Variants in FOXE3 observed in about 807,000 individuals in gnomAD.
FOXE3 encodes the protein forkhead box protein E3.
For synonymous variants in FOXE3, 274 were observed against 258.3 expected, an observed-to-expected ratio of 1.06 and a Z score of -0.58; for missense variants, 520 against 507.8, an observed-to-expected ratio of 1.02 and a Z score of -0.23.
Position 47,416,842 on chromosome 1 carries a change from CGGCCGCGGCGCCAGG to C in FOXE3, c.529_543del (p.Ala177_Gly181del). 6.9e-7 allele frequency: 1 copy of C among 1,452,148 alleles called. No individual in the cohort carries two copies. The highest frequency in any genetic ancestry group is 9.1e-7 in the Non-Finnish European group (1 of 1,102,342). 90.0% of individuals were successfully genotyped at this position (1,452,148 alleles called of 1,614,324 possible). A position where few individuals can be genotyped will look rare whatever the true frequency, so the allele number is the denominator to read the frequency against. On this transcript the variant is annotated inframe_deletion, in exon 1 of 1. Coordinates refer to ENST00000335071, the MANE Select transcript of FOXE3 (RefSeq NM_012186.3). The surrounding 1 kb of genome is among the most constrained non-coding windows in gnomAD (Gnocchi z 4.2). ...AAGCGCGCCGAGCTGCCCGCGCACG[CGGCCGCGGCGCCAGG>C]GCCGCCGCTCCCCTTCCCCTACGCG...
At position 47,417,318 on chromosome 1, in the gene FOXE3, G is replaced by A; in HGVS notation, c.*43G>A. ...AGGCACCTGTGCGACCTGTGCCCCGGACCTGCGGCGCCGCCCTCGAGCGCC... is the reference window on the plus strand; with the variant it reads ...AGGCACCTGTGCGACCTGTGCCCCGAACCTGCGGCGCCGCCCTCGAGCGCC... On this transcript the variant is annotated 3_prime_UTR_variant, in exon 1 of 1. Transcript: ENST00000335071. The surrounding 1 kb of genome is among the most constrained non-coding windows in gnomAD (Gnocchi z 4.3). 1 of 1,301,638 alleles carries A rather than the reference G, an allele frequency of 7.7e-7. No individual in the cohort carries two copies. Among genetic ancestry groups the A allele is most frequent in the South Asian group, 2.2e-5 (1 of 46,490 alleles). 80.6% of individuals were successfully genotyped at this position (1,301,638 alleles called of 1,614,324 possible). A position where few individuals can be genotyped will look rare whatever the true frequency, so the allele number is the denominator to read the frequency against.
Position 47,416,779 on chromosome 1 carries a change from T to A in FOXE3, c.464T>A (p.Phe155Tyr). ...WTLDPAAADM[F>Y]DNGSFLRRRK... ...CTGGACCCCGCGGCCGCAGACATGTTCGACAACGGCAGCTTCCTGCGGCGC... is the reference window on the plus strand; with the variant it reads ...CTGGACCCCGCGGCCGCAGACATGTACGACAACGGCAGCTTCCTGCGGCGC... The change falls in exon 1 of 1, where the codon TTC (phenylalanine) becomes TAC (tyrosine). Residue 155 changes from phenylalanine to tyrosine, a missense_variant. Physicochemically the swap from Phe to Tyr is conservative, Grantham distance 22. Coordinates refer to ENST00000335071, the MANE Select transcript of FOXE3 (RefSeq NM_012186.3). This position sits in a 1 kb window ranked among gnomAD's most constrained non-coding sequence, Gnocchi z 4.2. The A allele has an allele frequency of 6.3e-7, 1 of 1,598,520 alleles. No homozygotes were observed. Among genetic ancestry groups the A allele is most frequent in the Non-Finnish European group, 8.5e-7 (1 of 1,173,280 alleles).
Position 47,416,485 on chromosome 1 carries a change from CCGGCCCGGGGCGGCGGCG to C in FOXE3, c.171_188del (p.Gly58_Arg63del). 1 of 1,188,352 alleles carries C rather than the reference CCGGCCCGGGGCGGCGGCG, an allele frequency of 8.4e-7. No individual in the cohort carries two copies. Among genetic ancestry groups the C allele is most frequent in the South Asian group, 3.6e-5 (1 of 27,570 alleles). The allele number at this position is 1,188,352 out of a possible 1,614,324, so 73.6% of individuals were successfully genotyped here. On this transcript the variant is annotated inframe_deletion, in exon 1 of 1. Coordinates refer to ENST00000335071, the MANE Select transcript of FOXE3 (RefSeq NM_012186.3). The surrounding 1 kb of genome is among the most constrained non-coding windows in gnomAD (Gnocchi z 4.2). ...GGAGAGGCGGCCCCCACGCCCGCGC[CCGGCCCGGGGCGGCGGCG>C]GCGGCGGCCCCTGCAGCGCGGGAAG...
chr1:47,417,359 AC>A lies in FOXE3; in HGVS notation c.*87del. ...CTCGAGCGCCCCATCTCTACCCCCC[AC>A]CCTGGCTTGGAGCACACCCTGCGCC... On this transcript the variant is annotated 3_prime_UTR_variant, in exon 1 of 1. Coordinates refer to ENST00000335071, the MANE Select transcript of FOXE3 (RefSeq NM_012186.3). The surrounding 1 kb of genome is among the most constrained non-coding windows in gnomAD (Gnocchi z 4.3). The A allele has an allele frequency of 8.7e-7, 1 of 1,143,042 alleles. No homozygotes were observed. Among genetic ancestry groups the A allele is most frequent in the Non-Finnish European group, 1.1e-6 (1 of 895,008 alleles). The allele number at this position is 1,143,042 out of a possible 1,614,324, so 70.8% of individuals were successfully genotyped here.
Position 47,416,395 on chromosome 1 carries a change from C to G in FOXE3, c.80C>G (p.Pro27Arg). 7.6e-7 allele frequency: 1 copy of G among 1,309,930 alleles called. No homozygotes were observed. Among genetic ancestry groups the G allele is most frequent in the Non-Finnish European group, 9.8e-7 (1 of 1,022,224 alleles). 81.1% of individuals were successfully genotyped at this position (1,309,930 alleles called of 1,614,324 possible). A position where few individuals can be genotyped will look rare whatever the true frequency, so the allele number is the denominator to read the frequency against. ...PALPAVAPSG[P>R]PPSPLAGAEP... The stretch of plus-strand genomic sequence containing the variant: ...CTGCCAGCGGTCGCGCCGTCGGGGC[C>G]GCCGCCGTCGCCGCTCGCAGGAGCC... The change falls in exon 1 of 1, where the codon CCG (proline) becomes CGG (arginine). Residue 27 changes from proline to arginine, a missense_variant. Pro to Arg is a moderately radical substitution (Grantham distance 103). Coordinates refer to ENST00000335071, the MANE Select transcript of FOXE3 (RefSeq NM_012186.3). The surrounding 1 kb of genome is among the most constrained non-coding windows in gnomAD (Gnocchi z 4.2).
In FOXE3 at chr1:47,417,091, C is replaced by T; in HGVS notation, c.776C>T (p.Pro259Leu). The T allele has an allele frequency of 1.4e-6, 2 of 1,387,500 alleles. No individual in the cohort carries two copies. Among genetic ancestry groups the T allele is most frequent in the Non-Finnish European group, 9.4e-7 (1 of 1,068,308 alleles). The allele number at this position is 1,387,500 out of a possible 1,614,324, so 85.9% of individuals were successfully genotyped here. The change falls in exon 1 of 1, where the codon CCG becomes CTG. Residue 259 changes from proline (P) to leucine (L), a missense_variant. Transcript: ENST00000335071. The surrounding 1 kb of genome is among the most constrained non-coding windows in gnomAD (Gnocchi z 4.3). ...CCGCCCTGCGCTGCCGCCGCCTCCC[C>T]GCCACTCTACTCGCAGGTCCCCGAC... ...AFPPCAAAAS[P>L]PLYSQVPDRL...
rs1173675789 is a variant in FOXE3 at position 47,417,351 on chromosome 1, TA to T, written c.*77del. ...GCGCCGCCCTCGAGCGCCCCATCTCTACCCCCCACCCTGGCTTGGAGCACAC... is the reference window on the plus strand; with the variant it reads ...GCGCCGCCCTCGAGCGCCCCATCTCTCCCCCCACCCTGGCTTGGAGCACAC... On this transcript the variant is annotated 3_prime_UTR_variant, in exon 1 of 1. Transcript: ENST00000335071. The surrounding 1 kb of genome is among the most constrained non-coding windows in gnomAD (Gnocchi z 4.3). 59 of 1,211,470 alleles carry T rather than the reference TA, an allele frequency of 4.9e-5. 1 individual carries two copies. Among genetic ancestry groups the T allele is most frequent in the Non-Finnish European group, 5.8e-5 (55 of 949,744 alleles). 75.0% of individuals were successfully genotyped at this position (1,211,470 alleles called of 1,614,324 possible).
At position 47,417,948 on chromosome 1, in the gene FOXE3, G is replaced by T. The variant is rs1008807391; in HGVS notation, c.*673G>T. The T allele has an allele frequency of 1.2e-5, 2 of 166,986 alleles. No individual in the cohort carries two copies. Among genetic ancestry groups the T allele is most frequent in the Non-Finnish European group, 2.9e-5 (2 of 68,146 alleles). 10.3% of individuals were successfully genotyped at this position (166,986 alleles called of 1,614,324 possible). A position where few individuals can be genotyped will look rare whatever the true frequency, so the allele number is the denominator to read the frequency against. ...CTCCTGACTGAAAGGGGAGTTGGTG[G>T]GCCTTTAGGTCTGCCCCATCCCCTG... On this transcript the variant is annotated 3_prime_UTR_variant, in exon 1 of 1. Transcript: ENST00000335071. The surrounding 1 kb of genome is among the most constrained non-coding windows in gnomAD (Gnocchi z 4.3).
Position 47,416,668 on chromosome 1 carries a change from G to C in FOXE3, c.353G>C (p.Ser118Thr), listed in dbSNP as rs761953276. The change falls in exon 1 of 1, where the codon AGC becomes ACC. Residue 118 changes from serine to threonine, a missense_variant. Ser to Thr is a moderately conservative substitution (Grantham distance 58). Transcript: ENST00000335071. This position sits in a 1 kb window ranked among gnomAD's most constrained non-coding sequence, Gnocchi z 4.2. Reference sequence around the variant, plus strand: ...GACAGCCCGCGCAAGTGGCAGAACAGCATCCGCCACAATCTCACGCTCAAC... The same window carrying C: ...GACAGCCCGCGCAAGTGGCAGAACACCATCCGCCACAATCTCACGCTCAAC... ...YRDSPRKWQNSIRHNLTLNDC... is the reference protein window; with the variant it reads ...YRDSPRKWQNTIRHNLTLNDC... 1 of 1,609,842 alleles carries C rather than the reference G, an allele frequency of 6.2e-7. No homozygotes were observed. The highest frequency in any genetic ancestry group is 8.5e-7 in the Non-Finnish European group (1 of 1,177,888).
At position 47,416,487 on chromosome 1, in the gene FOXE3, G is replaced by C. The variant is rs1449843921; in HGVS notation, c.172G>C (p.Gly58Arg). The change falls in exon 1 of 1, where the codon GGC becomes CGC. Residue 58 changes from glycine to arginine, a missense_variant. Gly to Arg is a moderately radical substitution (Grantham distance 125). Transcript: ENST00000335071. This position sits in a 1 kb window ranked among gnomAD's most constrained non-coding sequence, Gnocchi z 4.2. ...AGAGGCGGCCCCCACGCCCGCGCCCGGCCCGGGGCGGCGGCGGCGGCGGCC... is the reference window on the plus strand; with the variant it reads ...AGAGGCGGCCCCCACGCCCGCGCCCCGCCCGGGGCGGCGGCGGCGGCGGCC... ...RGEAAPTPAP[G>R]PGRRRRRPLQ... 1 of 1,193,468 alleles carries C rather than the reference G, an allele frequency of 8.4e-7. No homozygotes were observed. Among genetic ancestry groups the C allele is most frequent in the Non-Finnish European group, 1.0e-6 (1 of 961,706 alleles). The allele number at this position is 1,193,468 out of a possible 1,614,324, so 73.9% of individuals were successfully genotyped here.
In FOXE3 at chr1:47,417,285, G is replaced by C; in HGVS notation, c.*10G>C. 1 of 1,343,224 alleles carries C rather than the reference G, an allele frequency of 7.4e-7. No homozygotes were observed. The highest frequency in any genetic ancestry group is 9.5e-7 in the Non-Finnish European group (1 of 1,048,162). 83.2% of individuals were successfully genotyped at this position (1,343,224 alleles called of 1,614,324 possible). On this transcript the variant is annotated 3_prime_UTR_variant, in exon 1 of 1. Coordinates refer to ENST00000335071, the MANE Select transcript of FOXE3 (RefSeq NM_012186.3). This position sits in a 1 kb window ranked among gnomAD's most constrained non-coding sequence, Gnocchi z 4.3. ...GGAGCGCTACCTGTGAGCCTGCGCCGCGCGGGCAGGCACCTGTGCGACCTG... is the reference window on the plus strand; with the variant it reads ...GGAGCGCTACCTGTGAGCCTGCGCCCCGCGGGCAGGCACCTGTGCGACCTG...
chr1:47,416,336 G>T lies in FOXE3; in HGVS notation c.21G>T (p.Met7Ile). The T allele has an allele frequency of 7.3e-7, 1 of 1,375,392 alleles. No individual in the cohort carries two copies. The highest frequency in any genetic ancestry group is 1.6e-5 in the South Asian group (1 of 62,908). The allele number at this position is 1,375,392 out of a possible 1,614,324, so 85.2% of individuals were successfully genotyped here. A position where few individuals can be genotyped will look rare whatever the true frequency, so the allele number is the denominator to read the frequency against. MAGRSD[M>I]DPPAAFSGFP... ...AGCCGATGGCGGGGCGCAGCGACAT[G>T]GATCCGCCCGCCGCGTTCTCTGGCT... is the stretch of plus-strand genomic sequence containing the variant. The change falls in exon 1 of 1, where the codon ATG becomes ATT. Residue 7 changes from methionine to isoleucine, a missense_variant. Met to Ile is a conservative substitution (Grantham distance 10). Transcript: ENST00000335071. This position sits in a 1 kb window ranked among gnomAD's most constrained non-coding sequence, Gnocchi z 4.2.
At position 47,416,844 on chromosome 1, in the gene FOXE3, G is replaced by T; in HGVS notation, c.529G>T (p.Ala177Ser). 1 of 1,448,234 alleles carries T rather than the reference G, an allele frequency of 6.9e-7. No homozygotes were observed. The highest frequency in any genetic ancestry group is 1.4e-5 in the South Asian group (1 of 72,546). The allele number at this position is 1,448,234 out of a possible 1,614,324, so 89.7% of individuals were successfully genotyped here. A position where few individuals can be genotyped will look rare whatever the true frequency, so the allele number is the denominator to read the frequency against. ...FKRAELPAHA[A>S]AAPGPPLPFP... ...GCGCGCCGAGCTGCCCGCGCACGCG[G>T]CCGCGGCGCCAGGGCCGCCGCTCCC... The change falls in exon 1 of 1, where the codon GCC becomes TCC. Residue 177 changes from alanine to serine, a missense_variant. Physicochemically the swap from Ala to Ser is moderately conservative, Grantham distance 99. Transcript: ENST00000335071. This position sits in a 1 kb window ranked among gnomAD's most constrained non-coding sequence, Gnocchi z 4.2.
chr1:47,417,225 G>C lies in FOXE3; in HGVS notation c.910G>C (p.Ala304Pro). 11 of 1,358,782 alleles carry C rather than the reference G, an allele frequency of 8.1e-6. No individual in the cohort carries two copies. The highest frequency in any genetic ancestry group is 9.4e-6 in the Non-Finnish European group (10 of 1,063,110). 84.2% of individuals were successfully genotyped at this position (1,358,782 alleles called of 1,614,324 possible). ...TCTCGGCCCGCTCAGCCCTGGGGAG[G>C]CCTACCTGAGGCAGCCGGGCTTCGC... Reference protein sequence around the residue: ...AALGPLSPGEAYLRQPGFASG... With the variant: ...AALGPLSPGEPYLRQPGFASG... The change falls in exon 1 of 1, where the codon GCC becomes CCC. Residue 304 changes from alanine (A) to proline (P), a missense_variant. Transcript: ENST00000335071. This position sits in a 1 kb window ranked among gnomAD's most constrained non-coding sequence, Gnocchi z 4.3.
rs1646894984 is a variant in FOXE3 at position 47,417,887 on chromosome 1, A to G, written c.*612A>G. 1 of 166,986 alleles carries G rather than the reference A, an allele frequency of 6.0e-6. No individual in the cohort carries two copies. The highest frequency in any genetic ancestry group is 1.5e-5 in the Non-Finnish European group (1 of 68,166). 10.3% of individuals were successfully genotyped at this position (166,986 alleles called of 1,614,324 possible). A position where few individuals can be genotyped will look rare whatever the true frequency, so the allele number is the denominator to read the frequency against. The stretch of plus-strand genomic sequence containing the variant: ...TGGCTGCCTTCTTCACGCCCTGAGG[A>G]CACTTCTTGGAGATTTCAGACAGGC... On this transcript the variant is annotated 3_prime_UTR_variant, in exon 1 of 1. Transcript: ENST00000335071. The surrounding 1 kb of genome is among the most constrained non-coding windows in gnomAD (Gnocchi z 4.3).
Position 47,417,167 on chromosome 1 carries a change from GC to G in FOXE3, c.856del (p.Leu286SerfsTer21). ...RPGPGPLPAE[P>X]LLALAGPAAA... ...CCGGCCCCGGCCCGCTGCCCGCTGA[GC>G]CCCTCCTGGCCTTGGCCGGGCCGGC... is the stretch of plus-strand genomic sequence containing the variant. On this transcript the variant is annotated frameshift_variant, in exon 1 of 1. Coordinates refer to ENST00000335071, the MANE Select transcript of FOXE3 (RefSeq NM_012186.3). LOFTEE classifies it low-confidence loss of function (END_TRUNC). This position sits in a 1 kb window ranked among gnomAD's most constrained non-coding sequence, Gnocchi z 4.3. 7.2e-7 allele frequency: 1 copy of G among 1,388,698 alleles called. No homozygotes were observed. Among genetic ancestry groups the G allele is most frequent in the South Asian group, 1.6e-5 (1 of 62,244 alleles). The allele number at this position is 1,388,698 out of a possible 1,614,324, so 86.0% of individuals were successfully genotyped here.
At position 47,417,245 on chromosome 1, in the gene FOXE3, C is replaced by T. The variant is rs963646314; in HGVS notation, c.930C>T (p.Gly310=). 1.1e-5 allele frequency: 15 copies of T among 1,355,822 alleles called. No homozygotes were observed. Among genetic ancestry groups the T allele is most frequent in the African/African-American group, 1.5e-5 (1 of 65,394 alleles). The allele number at this position is 1,355,822 out of a possible 1,614,324, so 84.0% of individuals were successfully genotyped here. ...SPGEAYLRQP[G]FASGLERYL Reference sequence around the variant, plus strand: ...GGGAGGCCTACCTGAGGCAGCCGGGCTTCGCGTCGGGGCTGGAGCGCTACC... The same window carrying T: ...GGGAGGCCTACCTGAGGCAGCCGGGTTTCGCGTCGGGGCTGGAGCGCTACC... The change falls in exon 1 of 1, where the codon GGC becomes GGT. Residue 310 remains glycine, a synonymous_variant. Coordinates refer to ENST00000335071, the MANE Select transcript of FOXE3 (RefSeq NM_012186.3). This position sits in a 1 kb window ranked among gnomAD's most constrained non-coding sequence, Gnocchi z 4.3.
At position 47,417,704 on chromosome 1, in the gene FOXE3, C is replaced by T. The variant is rs373095398; in HGVS notation, c.*429C>T. 6 of 173,172 alleles carry T rather than the reference C, an allele frequency of 3.5e-5. No individual in the cohort carries two copies. In the South Asian group the frequency reaches 1.0e-3, roughly 30 times the overall value. The allele number at this position is 173,172 out of a possible 1,614,324, so 10.7% of individuals were successfully genotyped here. ...CCACCGACTGTACTTCATCAACCTT[C>T]TCTCATGTTTTTCCGACACTCCTGG... is the stretch of plus-strand genomic sequence containing the variant. On this transcript the variant is annotated 3_prime_UTR_variant, in exon 1 of 1. Transcript: ENST00000335071. The surrounding 1 kb of genome is among the most constrained non-coding windows in gnomAD (Gnocchi z 4.3).
At position 47,416,626 on chromosome 1, in the gene FOXE3, G is replaced by C. The variant is rs779431323; in HGVS notation, c.311G>C (p.Arg104Pro). ...LAAIYRFITE[R>P]FAFYRDSPRK... ...GCCATCTACCGCTTCATCACCGAAC[G>C]CTTTGCCTTCTACCGCGACAGCCCG... Residue 104 changes from arginine (R) to proline (P), a missense_variant, in exon 1 of 1, where the codon CGC (arginine) becomes CCC (proline). By Grantham distance (103) the Arg-to-Pro change is moderately radical. Coordinates refer to ENST00000335071, the MANE Select transcript of FOXE3 (RefSeq NM_012186.3). The surrounding 1 kb of genome is among the most constrained non-coding windows in gnomAD (Gnocchi z 4.2). 2 of 1,609,620 alleles carry C rather than the reference G, an allele frequency of 1.2e-6. No homozygotes were observed. Among genetic ancestry groups the C allele is most frequent in the African/African-American group, 2.7e-5 (2 of 74,620 alleles).
Sources: gnomAD v4.1 joint callset for allele counts on GRCh38, gnomAD v4.1.1 for gene constraint, Gnocchi (gnomAD v3.1) non-coding constraint, MANE v1.5 for transcripts, NCBI Gene and HGNC (gene_info 2026-07-23, HGNC 2026-07-21) for gene names.